Variants in LRRIQ3 observed in about 807,000 individuals in gnomAD.
The protein encoded by LRRIQ3 is leucine-rich repeat and IQ domain-containing protein 3.
In LRRIQ3, 75 loss-of-function variants were observed where a neutral mutation model predicts 59.3. The ratio of observed to expected loss-of-function variants is 1.26; its 90% CI spans 1.05 to 1.53. The LOEUF (loss-of-function observed/expected upper bound fraction) is 1.53, where lower values mean the gene tolerates loss of function less well. LRRIQ3 is among the 40% of genes most tolerant of loss of function. The pLI is 0.00. For synonymous variants in LRRIQ3, 250 were observed against 231.3 expected, an observed-to-expected ratio of 1.08 and a Z score of -0.73; for missense variants, 831 against 710.0, an observed-to-expected ratio of 1.17 and a Z score of -1.94.
chr1:74,166,790 G>A (rs554768648), intron 3 of LRRIQ3, among the ~76,000 whole-genome samples: 1 of 151,572 alleles, frequency 6.6e-6, no homozygotes, highest in African/African-American at 2.4e-5. Flanking sequence ...TTGGGCTAAG[G>A]ACATGAATAG....
At chr1:74,149,560 G>C (rs1182101819) in intron 4 of LRRIQ3, among the ~76,000 whole-genome samples, 1 of 151,926 alleles carries the variant, frequency 6.6e-6, no homozygotes, top group Admixed American at 6.6e-5. Context: ...AGTCTTGCTG[G>C]AGTACTACCA....
chr1:74,128,592 T>A (rs1646968539), intron 4 of LRRIQ3, among the ~76,000 whole-genome samples: 1 of 152,100 alleles, frequency 6.6e-6, no homozygotes. Flanking sequence ...ACAGGATTAG[T>A]CCCTGGTTCA....
intron 6 of LRRIQ3, among the ~76,000 whole-genome samples, chr1:74,068,191 T>C (rs1654920756): frequency 6.6e-6 from 1 of 152,136 alleles, no homozygotes; most frequent in South Asian, 2.1e-4. Context: ...TTTTATGTTA[T>C]GATACTAATT....
At chr1:74,185,541 C>T (rs1650306761) in intron 1 of LRRIQ3, among the ~76,000 whole-genome samples, 3 of 152,110 alleles carry the variant, frequency 2.0e-5, no homozygotes, top group African/African-American at 4.8e-5. Flanking sequence ...ACTTCAGATA[C>T]CAATCCTTTG....
At chr1:74,107,827 C>T (rs1646635960) in intron 5 of LRRIQ3, among the ~76,000 whole-genome samples, 1 of 151,152 alleles carries the variant, frequency 6.6e-6, no homozygotes, top group Non-Finnish European at 1.5e-5. Context: ...TAAAAATGCA[C>T]AACACAATGT....
chr1:74,147,323 TA>T (rs374696420), intron 4 of LRRIQ3, among the ~76,000 whole-genome samples: 19 of 152,156 alleles, frequency 1.2e-4, no homozygotes, highest in African/African-American at 4.1e-4. Flanking sequence ...AAGAACATTC[TA>T]AAAAAACTCC....
chr1:74,080,023 C>T (rs1040115043), intron 5 of LRRIQ3, among the ~76,000 whole-genome samples: 9 of 151,696 alleles, frequency 5.9e-5, no homozygotes, highest in African/African-American at 2.2e-4. Context: ...TTTAGATTCT[C>T]TGAATTTTTT....
chr1:74,041,797 A>G lies in LRRIQ3; in HGVS notation c.1134T>C (p.Phe378=). The change falls in exon 7 of 8, where the codon TTT becomes TTC. Residue 378 remains phenylalanine (F), a synonymous_variant. Coordinates refer to ENST00000354431, the MANE Select transcript of LRRIQ3 (RefSeq NM_001105659.2). ...TATAGATTGGCTGAGGATATGCAGG[A>G]AAAAAATGTTGTTTTTTCTCTCTCA... The part of the protein sequence containing the change: ...AVLREKKQHF[F]PAYPQPIYTT... 1.2e-6 allele frequency: 2 copies of G among 1,613,554 alleles called. No homozygotes were observed. Among genetic ancestry groups the G allele is most frequent in the Non-Finnish European group, 1.7e-6 (2 of 1,179,740 alleles).
chr1:74,036,964 G>A (rs915893423), intron 7 of LRRIQ3, among the ~76,000 whole-genome samples: 1 of 152,016 alleles, frequency 6.6e-6, no homozygotes, highest in African/African-American at 2.4e-5. Flanking sequence ...ATATTATTCT[G>A]ATTATCTTCA....
rs1465141333 is a variant in LRRIQ3 at position 74,041,126 on chromosome 1, A to T, written c.1718+87T>A. 3.7e-6 allele frequency: 4 copies of T among 1,067,862 alleles called. No individual in the cohort carries two copies. In the African/African-American group the frequency reaches 6.4e-5, roughly 17 times the overall value. The allele number at this position is 1,067,862 out of a possible 1,614,324, so 66.1% of individuals were successfully genotyped here. A position where few individuals can be genotyped will look rare whatever the true frequency, so the allele number is the denominator to read the frequency against. On this transcript the variant is annotated intron_variant, in intron 7 of 7. Transcript: ENST00000354431. ...TAGAATGTACTATGTTACAAACAGC[A>T]TACTAATTATTAGGTCTTAAAATTT...
At chr1:74,183,083 T>A (rs979190626) in intron 2 of LRRIQ3, 1 of 348,670 alleles carries the variant, frequency 2.9e-6, no homozygotes, top group Admixed American at 4.4e-5. Context: ...GTAAAATGCA[T>A]AACCATACTT....
At chr1:74,182,130 G>A (rs1395274479) in intron 3 of LRRIQ3, 3 of 151,774 alleles carry the variant, frequency 2.0e-5, no homozygotes, top group Non-Finnish European at 2.9e-5. Context: ...GATAATGATG[G>A]TTTTATCTTG....
chr1:74,065,588 A>G (rs1654843878), intron 6 of LRRIQ3, among the ~76,000 whole-genome samples: 1 of 152,178 alleles, frequency 6.6e-6, no homozygotes, highest in Non-Finnish European at 1.5e-5. Context: ...ATGTCTTCAC[A>G]TGAATTTGCT....
intron 6 of LRRIQ3, among the ~76,000 whole-genome samples, chr1:74,074,384 T>C (rs1646177834): frequency 6.6e-6 from 1 of 152,112 alleles, no homozygotes. Flanking sequence ...AATAATATTA[T>C]CAAAATCCTA....
intron 3 of LRRIQ3, among the ~76,000 whole-genome samples, chr1:74,176,286 C>A (rs999885833): frequency 6.6e-5 from 10 of 152,076 alleles, no homozygotes; most frequent in African/African-American, 2.4e-4. Flanking sequence ...AAATATTTTG[C>A]AACTTGCTTA....
intron 6 of LRRIQ3, among the ~76,000 whole-genome samples, chr1:74,053,875 G>A (rs2100422883): frequency 6.6e-6 from 1 of 152,204 alleles, no homozygotes; most frequent in East Asian, 1.9e-4. Context: ...ACCAAATACT[G>A]ATGAGGTTAT....
At chr1:74,150,916 G>A (rs1300654396) in intron 4 of LRRIQ3, among the ~76,000 whole-genome samples, 3 of 147,314 alleles carry the variant, frequency 2.0e-5, no homozygotes, top group Non-Finnish European at 4.5e-5. Context: ...CACCTTATAT[G>A]TTTTAAGAAA....
chr1:74,079,628 G>A (rs372539587), intron 5 of LRRIQ3, among the ~76,000 whole-genome samples: 3 of 151,682 alleles, frequency 2.0e-5, no homozygotes, highest in African/African-American at 7.2e-5. Context: ...TAATCCACAA[G>A]GGCAAGGACT....
chr1:74,185,356 T>C (rs1650290463), intron 1 of LRRIQ3, among the ~76,000 whole-genome samples: 1 of 152,178 alleles, frequency 6.6e-6, no homozygotes, highest in African/African-American at 2.4e-5. Context: ...TGAATAATGG[T>C]ATCTCATTGC....
Sources: gnomAD v4.1 joint callset for allele counts (sites outside exome capture counted in the v4.1 genomes callset) on GRCh38, gnomAD v4.1.1 for gene constraint, MANE v1.5 for transcripts, NCBI Gene and HGNC (gene_info 2026-07-23, HGNC 2026-07-21) for gene names.